Variants in TGFBR3 observed in about 807,000 individuals in gnomAD.
TGFBR3 encodes the protein transforming growth factor beta receptor 3.
A neutral mutation model predicts 87.9 loss-of-function variants in TGFBR3; 46 were observed. The ratio of observed to expected loss-of-function variants is 0.52; its 90% CI spans 0.41 to 0.67. The LOEUF (loss-of-function observed/expected upper bound fraction) is 0.67. Among genes scored for constraint, TGFBR3 ranks in the 30% least tolerant of loss-of-function variants. The pLI, the probability that TGFBR3 is intolerant of heterozygous loss-of-function variation, is 0.00. For synonymous variants in TGFBR3, 381 were observed against 391.6 expected, an observed-to-expected ratio of 0.97 and a Z score of 0.32; for missense variants, 866 against 1,041.9, an observed-to-expected ratio of 0.83 and a Z score of 2.32.
chr1:91,748,632 G>C (rs1673428443), intron 4 of TGFBR3, among the ~76,000 whole-genome samples: 1 of 152,112 alleles, frequency 6.6e-6, no homozygotes, highest in Admixed American at 6.5e-5. Flanking sequence ...CTCCAGACTG[G>C]AGGCCAGAGT....
intron 2 of TGFBR3, among the ~76,000 whole-genome samples, chr1:91,814,024 C>T (rs1676115637): frequency 6.6e-6 from 1 of 152,238 alleles, no homozygotes; most frequent in African/African-American, 2.4e-5. Context: ...CTGCTCACCT[C>T]CTGCTGTGTG....
Position 91,716,627 on chromosome 1 carries a change from A to C in TGFBR3, c.1648T>G (p.Phe550Val). 6.2e-7 allele frequency: 1 copy of C among 1,614,166 alleles called. No homozygotes were observed. Among genetic ancestry groups the C allele is most frequent in the Non-Finnish European group, 8.5e-7 (1 of 1,180,030 alleles). Reference sequence around the variant, plus strand: ...TCTCCTTCATCCATATCTCCCGGAAATCCATTATCACCTGACTCCAGATCT... The same window carrying C: ...TCTCCTTCATCCATATCTCCCGGAACTCCATTATCACCTGACTCCAGATCT... ...YEDLESGDNG[F>V]PGDMDEGDAS... Residue 550 changes from phenylalanine to valine, a missense_variant, in exon 11 of 17, where the codon TTT becomes GTT. Transcript: ENST00000212355.
At chr1:91,736,286 C>T (rs900568026) in intron 4 of TGFBR3, among the ~76,000 whole-genome samples, 1 of 148,778 alleles carries the variant, frequency 6.7e-6, no homozygotes, top group African/African-American at 2.5e-5. Context: ...GGCATCAGGA[C>T]ATTCAGAAAT....
intron 2 of TGFBR3, among the ~76,000 whole-genome samples, chr1:91,897,990 C>G (rs1304174077): frequency 1.3e-5 from 2 of 151,326 alleles, no homozygotes; most frequent in African/African-American, 4.9e-5. Context: ...GAATTCAAGA[C>G]CAGCCTGGGC....
chr1:91,834,755 T>C (rs1186971414), intron 2 of TGFBR3, among the ~76,000 whole-genome samples: 1 of 152,324 alleles, frequency 6.6e-6, no homozygotes, highest in East Asian at 1.9e-4. Context: ...CTTGGCTCAC[T>C]GCAGCCTCCG....
In TGFBR3 at chr1:91,683,044, T is replaced by C. The variant is rs2100679175; in HGVS notation, c.*695A>G. Reference sequence around the variant, plus strand: ...TGCATTAAGACATTTTGCAGTGGTGTATGCAAGTATGGGAAGAAACAGGAA... The same window carrying C: ...TGCATTAAGACATTTTGCAGTGGTGCATGCAAGTATGGGAAGAAACAGGAA... On this transcript the variant is annotated 3_prime_UTR_variant, in exon 17 of 17. Transcript: ENST00000212355. 2.2e-6 allele frequency: 1 copy of C among 454,496 alleles called. No individual in the cohort carries two copies. The highest frequency in any genetic ancestry group is 7.0e-5 in the East Asian group (1 of 14,386). 28.2% of individuals were successfully genotyped at this position (454,496 alleles called of 1,614,324 possible). A position where few individuals can be genotyped will look rare whatever the true frequency, so the allele number is the denominator to read the frequency against.
intron 2 of TGFBR3, among the ~76,000 whole-genome samples, chr1:91,860,186 A>T (rs1678126367): frequency 6.6e-6 from 1 of 152,240 alleles, no homozygotes; most frequent in African/African-American, 2.4e-5. Context: ...TTCATCATTT[A>T]TAAAATGCCA....
At chr1:91,776,625 C>A (rs752287256) in intron 3 of TGFBR3, among the ~76,000 whole-genome samples, 3 of 152,184 alleles carry the variant, frequency 2.0e-5, no homozygotes, top group Non-Finnish European at 2.9e-5. Context: ...AAGAAGCCTA[C>A]CAGCGTTTGA....
chr1:91,816,070 G>C (rs1456786872), intron 2 of TGFBR3, among the ~76,000 whole-genome samples: 2 of 152,116 alleles, frequency 1.3e-5, no homozygotes, highest in East Asian at 3.9e-4. Flanking sequence ...TTCCATTCCT[G>C]GTTAAGATAG....
chr1:91,796,307 C>A lies in TGFBR3; in HGVS notation c.246+980G>T, dbSNP rs369881417. On this transcript the variant is annotated intron_variant, in intron 3 of 16. Transcript: ENST00000212355. ...TTTCTCTCTGAAGATGATGACCTTG[C>A]GCAAATAAGTTTTCTGCACCTGTTT... is the stretch of plus-strand genomic sequence containing the variant. Among the ~76,000 whole-genome samples the A allele has an allele frequency of 9.2e-5, 14 of 152,140 alleles. 1 individual carries two copies. Among genetic ancestry groups the A allele is most frequent in the South Asian group, 6.2e-4 (3 of 4,826 alleles).
At position 91,722,122 on chromosome 1, in the gene TGFBR3, C is replaced by G. The variant is rs1557676764; in HGVS notation, c.908G>C (p.Gly303Ala). ...KIIAPNSIGF[G>A]KESERSMTMT... Reference sequence around the variant, plus strand: ...TGTCATAGATCTTTCACTCTCTTTTCCAAAGCCAATACTGTTAGGAGCCTG... The same window carrying G: ...TGTCATAGATCTTTCACTCTCTTTTGCAAAGCCAATACTGTTAGGAGCCTG... Residue 303 changes from glycine (G) to alanine (A), a missense_variant, in exon 8 of 17, where the codon GGA becomes GCA. By Grantham distance (60) the Gly-to-Ala change is moderately conservative. Coordinates refer to ENST00000212355, the MANE Select transcript of TGFBR3 (RefSeq NM_003243.5). 6.2e-7 allele frequency: 1 copy of G among 1,613,704 alleles called. No individual in the cohort carries two copies.
intron 4 of TGFBR3, among the ~76,000 whole-genome samples, chr1:91,757,865 A>C (rs894189358): frequency 2.0e-5 from 3 of 152,198 alleles, no homozygotes; most frequent in Admixed American, 6.5e-5. Context: ...CTTGTGGGCA[A>C]GAGAGGTTTA....
At chr1:91,845,638 A>T (rs1324285399) in intron 2 of TGFBR3, among the ~76,000 whole-genome samples, 2 of 152,208 alleles carry the variant, frequency 1.3e-5, no homozygotes, top group Non-Finnish European at 2.9e-5. Flanking sequence ...AAATAATGCA[A>T]ACCTGTTTAC....
At chr1:91,822,081 C>G (rs1351705416) in intron 2 of TGFBR3, among the ~76,000 whole-genome samples, 1 of 151,934 alleles carries the variant, frequency 6.6e-6, no homozygotes, top group Admixed American at 6.6e-5. Flanking sequence ...AATGGCTAAG[C>G]AGAGCTTTGG....
At chr1:91,875,608 C>T (rs1678756044) in intron 1 of TGFBR3, among the ~76,000 whole-genome samples, 1 of 151,980 alleles carries the variant, frequency 6.6e-6, no homozygotes, top group Non-Finnish European at 1.5e-5. Context: ...GAAGACTGGG[C>T]TGGGCACTGT....
intron 14 of TGFBR3, among the ~76,000 whole-genome samples, chr1:91,703,957 C>T (rs1179599594): frequency 6.6e-6 from 1 of 152,158 alleles, no homozygotes; most frequent in Non-Finnish European, 1.5e-5. Context: ...TTCCTAAAAT[C>T]CTTCATCTTC....
intron 2 of TGFBR3, among the ~76,000 whole-genome samples, chr1:91,840,278 T>C (rs1276383297): frequency 2.0e-5 from 3 of 149,974 alleles, no homozygotes; most frequent in Non-Finnish European, 3.0e-5. Context: ...GCCGAGACCA[T>C]GCCACTGCAT....
At position 91,683,390 on chromosome 1, in the gene TGFBR3, C is replaced by T. The variant is rs1293298130; in HGVS notation, c.*349G>A. On this transcript the variant is annotated 3_prime_UTR_variant, in exon 17 of 17. Coordinates refer to ENST00000212355, the MANE Select transcript of TGFBR3 (RefSeq NM_003243.5). ...CTTGAGTCTGGGTAAAACTCAGGGCCCCAAATTATGGATGTTCTCACCTGG... is the reference window on the plus strand; with the variant it reads ...CTTGAGTCTGGGTAAAACTCAGGGCTCCAAATTATGGATGTTCTCACCTGG... 2 of 516,384 alleles carry T rather than the reference C, an allele frequency of 3.9e-6. No individual in the cohort carries two copies. The highest frequency in any genetic ancestry group is 1.0e-4 in the East Asian group (2 of 19,300). The allele number at this position is 516,384 out of a possible 1,614,324, so 32.0% of individuals were successfully genotyped here.
In TGFBR3 at chr1:91,749,187, G is replaced by T. The variant is rs113606459; in HGVS notation, c.384+9426C>A. Among the ~76,000 whole-genome samples, 1,161 of 152,288 alleles carry T rather than the reference G, an allele frequency of 7.6e-3. 6 individuals are homozygous for T. The highest frequency in any genetic ancestry group is 0.011 in the Non-Finnish European group (778 of 68,034). On this transcript the variant is annotated intron_variant, in intron 4 of 16. Transcript: ENST00000212355. ...AGCTCTGAACATCACTCTGCCATCT[G>T]TATCACCCAGAACCAATAGAATCTC... is the stretch of plus-strand genomic sequence containing the variant.
Sources: gnomAD v4.1 joint callset for allele counts (sites outside exome capture counted in the v4.1 genomes callset) on GRCh38, gnomAD v4.1.1 for gene constraint, MANE v1.5 for transcripts, NCBI Gene and HGNC (gene_info 2026-07-23, HGNC 2026-07-21) for gene names.